IGFL2: variants seen among roughly 807,000 people sequenced by gnomAD.
The protein encoded by IGFL2 is insulin growth factor-like family member 2.
IGFL2 carries 7 observed loss-of-function variants against 13.9 expected under a neutral mutation model. That is an observed-to-expected ratio of 0.51 (90% CI 0.29 to 0.95). IGFL2 has a LOEUF of 0.95. Among genes scored for constraint, IGFL2 ranks in the 40% least tolerant of loss-of-function variants. The probability of loss-of-function intolerance (pLI) is 0.08; values close to 1 mark genes in which losing one functional copy is unlikely to be tolerated. For synonymous variants in IGFL2, 55 were observed against 55.8 expected (o/e 0.99, Z 0.07); for missense variants, 138 against 147.8 (o/e 0.93, Z 0.34).
At chr19:46,102,346 T>G in the IGFL2 span, among the ~76,000 whole-genome samples, 1 of 152,206 alleles carries the variant, frequency 6.6e-6, no homozygotes, top group African/African-American at 2.4e-5. Context: ...ACGTTTGGGA[T>G]AGGCGGTGGA....
chr19:46,199,908 C>T, the IGFL2 span, among the ~76,000 whole-genome samples: 2 of 152,202 alleles, frequency 1.3e-5, no homozygotes, highest in Non-Finnish European at 1.5e-5. Flanking sequence ...GACGGAGTCT[C>T]GCTCTGTAGC....
At chr19:46,082,203 T>C in the IGFL2 span, among the ~76,000 whole-genome samples, 2,051 of 152,322 alleles carry the variant, frequency 0.013, 32 homozygotes, top group Middle Eastern at 0.027. Flanking sequence ...TACTTTCCTT[T>C]TCTGTTTCCC....
At chr19:46,119,971 C>T in the IGFL2 span, 2 of 271,288 alleles carry the variant, frequency 7.4e-6, 1 homozygote, top group Non-Finnish European at 1.4e-5. Flanking sequence ...CTCTGCCATC[C>T]ATGAATGGCT....
upstream of IGFL2, among the ~76,000 whole-genome samples, chr19:46,144,058 T>C (rs1376190009): frequency 2.0e-5 from 3 of 152,202 alleles, no homozygotes; most frequent in East Asian, 5.8e-4. Context: ...CACTTAGCAT[T>C]GTTTACAGCA....
chr19:46,167,584 C>T, the IGFL2 span, among the ~76,000 whole-genome samples: 4 of 152,120 alleles, frequency 2.6e-5, 1 homozygote, highest in African/African-American at 9.7e-5. Flanking sequence ...TGGACGGGGA[C>T]CAGGGCTCAC....
chr19:46,169,145 G>T, the IGFL2 span, among the ~76,000 whole-genome samples: 1 of 152,100 alleles, frequency 6.6e-6, no homozygotes, highest in Admixed American at 6.5e-5. Flanking sequence ...GGTCAAGGCT[G>T]CAGTGAGCTA....
At chr19:46,085,067 C>T in the IGFL2 span, among the ~76,000 whole-genome samples, 1 of 152,144 alleles carries the variant, frequency 6.6e-6, no homozygotes, top group Non-Finnish European at 1.5e-5. Flanking sequence ...GCTATTGGGT[C>T]GCTCTCCAAA....
chr19:46,132,687 A>T, the IGFL2 span, among the ~76,000 whole-genome samples: 1 of 117,630 alleles, frequency 8.5e-6, no homozygotes, highest in South Asian at 3.1e-4. Flanking sequence ...GGAGAGGGAG[A>T]GGAAAGAAGA....
the IGFL2 span, chr19:46,111,949 A>T: frequency 1.3e-5 from 2 of 152,366 alleles, no homozygotes; most frequent in African/African-American, 4.8e-5. Flanking sequence ...AGATTACATT[A>T]TGATGAAATG....
chr19:46,124,782 G>T, the IGFL2 span: 1 of 768,508 alleles, frequency 1.3e-6, no homozygotes. Flanking sequence ...GCCACCTGCA[G>T]TCTCCCAAGC....
the IGFL2 span, among the ~76,000 whole-genome samples, chr19:46,081,034 A>G: frequency 6.6e-6 from 1 of 152,170 alleles, no homozygotes; most frequent in East Asian, 1.9e-4. Flanking sequence ...CCCAGCCCAC[A>G]ATTGGCCAGT....
At chr19:46,209,312 T>C in the IGFL2 span, 2 of 152,264 alleles carry the variant, frequency 1.3e-5, no homozygotes, top group Non-Finnish European at 2.9e-5. Context: ...TTTAAAGCTC[T>C]CTCCCTTCCA....
At chr19:46,124,517 C>A in the IGFL2 span, 19 of 1,243,840 alleles carry the variant, frequency 1.5e-5, 3 homozygotes, top group East Asian at 4.5e-4. Context: ...TAGTAGGGCA[C>A]AGGAGGCTGG....
At chr19:46,139,582 A>G (rs940457238), upstream of IGFL2, among the ~76,000 whole-genome samples, 2 of 152,178 alleles carry the variant, frequency 1.3e-5, no homozygotes, top group African/African-American at 4.8e-5. Flanking sequence ...ATAAAGCAGG[A>G]CAAGTAATAA....
the IGFL2 span, among the ~76,000 whole-genome samples, chr19:46,191,156 A>T: frequency 1.7e-4 from 26 of 152,212 alleles, no homozygotes; most frequent in Admixed American, 4.6e-4. Context: ...GTTATTAAAT[A>T]TAGAATTAAT....
At chr19:46,081,374 A>C in the IGFL2 span, among the ~76,000 whole-genome samples, 1 of 152,212 alleles carries the variant, frequency 6.6e-6, no homozygotes, top group Admixed American at 6.5e-5. Context: ...GCATAGCCTT[A>C]ATAAAATTAT....
At chr19:46,181,552 T>C in the IGFL2 span, among the ~76,000 whole-genome samples, 1 of 152,212 alleles carries the variant, frequency 6.6e-6, no homozygotes, top group Non-Finnish European at 1.5e-5. Flanking sequence ...TGAGAGAGTT[T>C]TCAGATTTAG....
At chr19:46,186,167 C>T in the IGFL2 span, among the ~76,000 whole-genome samples, 6 of 152,164 alleles carry the variant, frequency 3.9e-5, no homozygotes, top group Admixed American at 1.3e-4. Context: ...CTACTGGGGC[C>T]GGGCTGATTG....
chr19:46,120,189 G>A, the IGFL2 span: 1 of 1,215,428 alleles, frequency 8.2e-7, no homozygotes, highest in Admixed American at 2.6e-5. Context: ...TCCCCAGCTG[G>A]GCTCCTCTCC....
Sources: allele counts gnomAD v4.1 joint callset (sites outside exome capture counted in the v4.1 genomes callset), GRCh38; gene constraint gnomAD v4.1.1; transcripts MANE v1.5; gene names NCBI Gene and HGNC (gene_info 2026-07-23, HGNC 2026-07-21).